The following RP1 variants were observed in gnomAD, a reference collection of about 807,000 sequenced individuals.
RP1 encodes RP1 axonemal microtubule associated.
RP1 carries 16 observed loss-of-function variants against 14.8 expected under a neutral mutation model. The ratio of observed to expected loss-of-function variants is 1.08; its 90% CI spans 0.73 to 1.65. The LOEUF (loss-of-function observed/expected upper bound fraction) is 1.65, where lower values mean the gene tolerates loss of function less well. Ranked by LOEUF, RP1 falls within the 40% of genes most tolerant of loss-of-function variation. The probability of loss-of-function intolerance (pLI) is 0.00; values close to 1 mark genes in which losing one functional copy is unlikely to be tolerated. For missense variants in RP1, 2,631 were observed against 2,535.0 expected, an observed-to-expected ratio of 1.04 and a Z score of -0.81; for synonymous variants, 876 against 883.6, an observed-to-expected ratio of 0.99 and a Z score of 0.15.
At chr8:54,760,258 C>T (rs1158563498) in intron 22 of RP1, among the ~76,000 whole-genome samples, 1 of 152,154 alleles carries the variant, frequency 6.6e-6, no homozygotes, top group East Asian at 1.9e-4. Flanking sequence ...ACTACTACCT[C>T]TGCCCTGATT....
chr8:54,757,057 C>A (rs777704940), intron 21 of RP1, among the ~76,000 whole-genome samples: 5 of 152,104 alleles, frequency 3.3e-5, no homozygotes, highest in Non-Finnish European at 5.9e-5. Context: ...TTTTTCTTCC[C>A]TGGTTCATTT....
intron 24 of RP1, among the ~76,000 whole-genome samples, chr8:54,794,884 C>G (rs1236174047): frequency 1.6e-4 from 24 of 151,804 alleles, no homozygotes; most frequent in Admixed American, 1.6e-3. Context: ...ACTCATTCAG[C>G]TTAATAGTAG....
chr8:54,595,025 TAATA>T (rs951496685), intron 1 of RP1, among the ~76,000 whole-genome samples: 1 of 152,102 alleles, frequency 6.6e-6, no homozygotes, highest in Admixed American at 6.5e-5. Context: ...AAAATCCCTA[TAATA>T]AATAAACATT....
At chr8:54,793,352 C>T (rs1587319) in intron 24 of RP1, among the ~76,000 whole-genome samples, 65,448 of 151,600 alleles carry the variant, frequency 0.43, 14,650 homozygotes, top group African/African-American at 0.54. Context: ...ACCCAGATAC[C>T]AAAGCCAGAC....
chr8:54,598,676 T>A (rs1234054225), intron 1 of RP1, among the ~76,000 whole-genome samples: 2 of 152,214 alleles, frequency 1.3e-5, no homozygotes, highest in Admixed American at 1.3e-4. Context: ...TATTCTTAGT[T>A]TTCCTTCATC....
chr8:54,726,493 G>A, intron 17 of RP1: 2 of 1,513,298 alleles, frequency 1.3e-6, no homozygotes, highest in Non-Finnish European at 1.8e-6. Flanking sequence ...CACAGCTTTT[G>A]CTTTCATACT....
At chr8:54,802,884 T>C (rs1473408528) in intron 24 of RP1, among the ~76,000 whole-genome samples, 4 of 152,216 alleles carry the variant, frequency 2.6e-5, no homozygotes, top group Non-Finnish European at 5.9e-5. Context: ...AAATCTTCTA[T>C]AGCTGTTGAC....
downstream of RP1, among the ~76,000 whole-genome samples, chr8:54,634,053 C>A (rs947450768): frequency 6.6e-6 from 1 of 152,050 alleles, no homozygotes; most frequent in African/African-American, 2.4e-5. Context: ...ACCCTGAAAA[C>A]AAAATGACTT....
At chr8:54,865,367 T>C (rs562551626) in intron 27 of RP1, among the ~76,000 whole-genome samples, 1 of 151,794 alleles carries the variant, frequency 6.6e-6, no homozygotes, top group Admixed American at 6.6e-5. Context: ...TCTTCCCTCC[T>C]TCTCTCTCTC....
At chr8:54,769,792 T>C in exon 23 of RP1, 3 of 1,533,682 alleles carry the variant, frequency 2.0e-6, no homozygotes, top group Non-Finnish European at 8.7e-7. Context: ...TTGAACTTTA[T>C]CTTCAAGGTG....
At chr8:54,643,031 G>A (rs1455090169) in intron 3 of RP1, among the ~76,000 whole-genome samples, 1 of 151,228 alleles carries the variant, frequency 6.6e-6, no homozygotes, top group African/African-American at 2.4e-5. Context: ...TCATATTCCT[G>A]TCCATTTTTC....
chr8:54,674,049 A>C (rs1188326371), intron 8 of RP1: 1 of 699,242 alleles, frequency 1.4e-6, no homozygotes, highest in Non-Finnish European at 2.3e-6. Context: ...TGTATTGACT[A>C]TATGAAATCA....
intron 22 of RP1, among the ~76,000 whole-genome samples, chr8:54,760,541 C>T (rs1419744178): frequency 6.6e-6 from 1 of 152,132 alleles, no homozygotes; most frequent in Non-Finnish European, 1.5e-5. Flanking sequence ...TTAATCACAT[C>T]ACTCTCCTGT....
At chr8:54,777,423 A>G (rs980981737) in intron 23 of RP1, among the ~76,000 whole-genome samples, 1 of 152,184 alleles carries the variant, frequency 6.6e-6, no homozygotes, top group African/African-American at 2.4e-5. Flanking sequence ...TAACAGATTC[A>G]TTTCTGATAA....
At chr8:54,622,521 A>G (rs1805908993) in intron 3 of RP1, among the ~76,000 whole-genome samples, 6 of 152,180 alleles carry the variant, frequency 3.9e-5, no homozygotes, top group Admixed American at 3.9e-4. Flanking sequence ...TAAATTGATG[A>G]TGTGTGCTTT....
intron 7 of RP1, among the ~76,000 whole-genome samples, chr8:54,670,671 T>TA (rs1807154628): frequency 3.2e-4 from 20 of 62,548 alleles, no homozygotes; most frequent in East Asian, 3.0e-3. Context: ...ATATATGTTT[T>TA]TATATATATA....
intron 12 of RP1, among the ~76,000 whole-genome samples, chr8:54,684,329 A>T (rs1335705035): frequency 6.6e-6 from 1 of 152,150 alleles, no homozygotes; most frequent in Non-Finnish European, 1.5e-5. Context: ...GCCTCATAAA[A>T]TGAGTTAGGG....
intron 17 of RP1, among the ~76,000 whole-genome samples, chr8:54,730,507 A>G (rs1808768312): frequency 6.6e-6 from 1 of 152,132 alleles, no homozygotes; most frequent in African/African-American, 2.4e-5. Context: ...ATGTGACCTT[A>G]TACATCAGTT....
rs76135209 is a variant in RP1, at chr8:54,842,198, C to T, written c.3835+4529C>T. On this transcript the variant is annotated intron_variant, in intron 25 of 28. Coordinates refer to the RP1 transcript ENST00000637698. ...AGAATGATTCAGACCTTTTCATCCA[C>T]GAGAGAACTATAGCTCAGATACACA... 8.0e-3 allele frequency among the ~76,000 whole-genome samples: 1,212 copies of T among 152,240 alleles called. 15 individuals carry two copies. The highest frequency in any genetic ancestry group is 0.027 in the African/African-American group (1,134 of 41,532).
Sources: gnomAD v4.1 joint callset for allele counts (sites outside exome capture counted in the v4.1 genomes callset) on GRCh38, gnomAD v4.1.1 for gene constraint, MANE v1.5 for transcripts, NCBI Gene and HGNC (gene_info 2026-07-23, HGNC 2026-07-21) for gene names.